CDCP1: variants seen among roughly 807,000 people sequenced by gnomAD.
CDCP1 encodes the protein CUB domain containing protein 1.
In CDCP1, 29 loss-of-function variants were observed where a neutral mutation model predicts 60.2. That is an observed-to-expected ratio of 0.48 (90% CI 0.36 to 0.66). The LOEUF is 0.66. CDCP1 is among the 30% of genes least tolerant of loss of function. The pLI is 0.00. For missense variants in CDCP1, 876 were observed against 1,074.3 expected (o/e 0.82, Z 2.58); for synonymous variants, 387 against 431.1 (o/e 0.90, Z 1.27).
intron 5 of CDCP1, among the ~76,000 whole-genome samples, chr3:45,095,021 C>T (rs1422706351): frequency 2.6e-5 from 4 of 151,880 alleles, no homozygotes; most frequent in Non-Finnish European, 5.9e-5. Flanking sequence ...GCAACCTCCG[C>T]CTCCCAGGTT....
chr3:45,093,028 TGCTGCCTACCAACCA>T (rs1283087020), intron 6 of CDCP1, among the ~76,000 whole-genome samples: 1 of 152,240 alleles, frequency 6.6e-6, no homozygotes, highest in Admixed American at 6.5e-5. Context: ...ATAATGTTTT[TGCTGCCTACCAACCA>T]TCGCCTCTCA....
chr3:45,133,372 T>A (rs1388270355), intron 1 of CDCP1, among the ~76,000 whole-genome samples: 1 of 150,792 alleles, frequency 6.6e-6, no homozygotes, highest in African/African-American at 2.4e-5. Flanking sequence ...CTAACAGGTG[T>A]TGTTTTATGA....
chr3:45,129,721 G>A (rs1576116123), intron 1 of CDCP1, among the ~76,000 whole-genome samples: 1 of 152,156 alleles, frequency 6.6e-6, no homozygotes, highest in Admixed American at 6.5e-5. Context: ...ATGTTTAGAA[G>A]TTACTGAATT....
At chr3:45,132,159 C>T (rs111709417) in intron 1 of CDCP1, among the ~76,000 whole-genome samples, 6,123 of 151,850 alleles carry the variant, frequency 0.04, 297 homozygotes, top group African/African-American at 0.11. Context: ...TCACTTGAGC[C>T]CCGGAGGCAG....
chr3:45,134,116 C>T (rs1456860418), intron 1 of CDCP1, among the ~76,000 whole-genome samples: 2 of 151,922 alleles, frequency 1.3e-5, no homozygotes, highest in Non-Finnish European at 2.9e-5. Context: ...GGGGAGAAAC[C>T]CATGTTTTTG....
intron 4 of CDCP1, among the ~76,000 whole-genome samples, chr3:45,109,904 G>T (rs1438985285): frequency 6.6e-6 from 1 of 152,108 alleles, no homozygotes; most frequent in African/African-American, 2.4e-5. Flanking sequence ...ACAGGCTCAG[G>T]GTTCTGAGCT....
rs549758048 is a variant in CDCP1, at chr3:45,103,589, T to A, written c.1024+6884A>T. Among the ~76,000 whole-genome samples, 3 of 152,324 alleles carry A rather than the reference T, an allele frequency of 2.0e-5. No homozygotes were observed. In the South Asian group the frequency reaches 6.2e-4, roughly 32 times the overall value. ...GTGGTCGGTCCCCAGTGGGGCAATGTTGGGAGGTGGTGCCTTTAAGAGGTG... is the reference window on the plus strand; with the variant it reads ...GTGGTCGGTCCCCAGTGGGGCAATGATGGGAGGTGGTGCCTTTAAGAGGTG... On this transcript the variant is annotated intron_variant, in intron 4 of 8. Transcript: ENST00000296129.
chr3:45,119,704 A>T (rs1043646663), intron 1 of CDCP1, among the ~76,000 whole-genome samples: 3 of 152,236 alleles, frequency 2.0e-5, no homozygotes, highest in African/African-American at 7.2e-5. Context: ...ATTTATTTTT[A>T]AAAAATCAAC....
chr3:45,086,182 C>A, intron 8 of CDCP1, 115 bp from the exon 9 acceptor site: 1 of 867,720 alleles, frequency 1.2e-6, no homozygotes, highest in South Asian at 1.6e-5. Context: ...ATGTCTCCCC[C>A]AAATCCCTCA....
intron 7 of CDCP1, among the ~76,000 whole-genome samples, chr3:45,090,161 C>T (rs1413383431): frequency 6.6e-6 from 1 of 152,170 alleles, no homozygotes; most frequent in Non-Finnish European, 1.5e-5. Flanking sequence ...TGAGGCTAAC[C>T]AGTTGTGTGG....
intron 7 of CDCP1, among the ~76,000 whole-genome samples, chr3:45,089,981 G>T (rs182836110): frequency 6.6e-6 from 1 of 152,294 alleles, no homozygotes; most frequent in Non-Finnish European, 1.5e-5. Flanking sequence ...ACCAAACAGC[G>T]AATTAGAATG....
chr3:45,131,731 G>A (rs933914419), intron 1 of CDCP1, among the ~76,000 whole-genome samples: 2 of 152,130 alleles, frequency 1.3e-5, no homozygotes, highest in African/African-American at 2.4e-5. Context: ...TGATGTCAAT[G>A]ACTAGAAAAC....
At chr3:45,132,031 C>T (rs916105609) in intron 1 of CDCP1, among the ~76,000 whole-genome samples, 3 of 151,816 alleles carry the variant, frequency 2.0e-5, no homozygotes, top group African/African-American at 4.8e-5. Flanking sequence ...GTCAGGAGTT[C>T]GAGACCAGCC....
At chr3:45,097,232 A>C (rs926345238) in intron 4 of CDCP1, among the ~76,000 whole-genome samples, 2 of 151,784 alleles carry the variant, frequency 1.3e-5, no homozygotes, top group African/African-American at 4.8e-5. Flanking sequence ...GGTTGAACCC[A>C]GGAGGTGGAG....
At chr3:45,104,934 GC>G (rs1213732887) in intron 4 of CDCP1, among the ~76,000 whole-genome samples, 1 of 152,200 alleles carries the variant, frequency 6.6e-6, no homozygotes, top group African/African-American at 2.4e-5. Flanking sequence ...TGTAATCCCA[GC>G]TACTTGAGAA....
intron 4 of CDCP1, among the ~76,000 whole-genome samples, chr3:45,098,743 ATAATAT>A (rs1698443427): frequency 6.6e-6 from 1 of 152,172 alleles, no homozygotes; most frequent in Non-Finnish European, 1.5e-5. Flanking sequence ...TGACTATGTA[ATAATAT>A]TAACAGTGTT....
At position 45,102,927 on chromosome 3, in the gene CDCP1, G is replaced by A. The variant is rs190084391; in HGVS notation, c.1025-7359C>T. ...TATGCCTGCCTCGGCCTCCCAAAGC[G>A]TTGGGATTACAGGCGTGAGCCACCA... is the stretch of plus-strand genomic sequence containing the variant. On this transcript the variant is annotated intron_variant, in intron 4 of 8. Transcript: ENST00000296129. Among the ~76,000 whole-genome samples the A allele has an allele frequency of 9.9e-5, 15 of 151,246 alleles. No individual in the cohort carries two copies. In the East Asian group the frequency reaches 1.2e-3, roughly 12 times the overall value.
chr3:45,106,480 G>A (rs1698567893), intron 4 of CDCP1, among the ~76,000 whole-genome samples: 1 of 152,184 alleles, frequency 6.6e-6, no homozygotes. Context: ...TTCTTATGGT[G>A]CAACTGGCTC....
intron 2 of CDCP1, 150 bp from the exon 3 acceptor site, chr3:45,112,595 G>A (rs1698718579): frequency 4.9e-6 from 5 of 1,025,476 alleles, no homozygotes; most frequent in Non-Finnish European, 5.7e-6. Context: ...CCCAACTGCT[G>A]TGAGTCTTAG....
Sources: gnomAD v4.1 joint callset for allele counts (sites outside exome capture counted in the v4.1 genomes callset) on GRCh38, gnomAD v4.1.1 for gene constraint, MANE v1.5 for transcripts, NCBI Gene and HGNC (gene_info 2026-07-23, HGNC 2026-07-21) for gene names.